The following ASIC2 variants were observed in gnomAD, a reference collection of about 807,000 sequenced individuals.
The protein encoded by ASIC2 is acid-sensing ion channel 2.
ASIC2 carries 25 observed loss-of-function variants against 57.3 expected under a neutral mutation model. The observed-to-expected ratio is 0.44, with a 90% CI of 0.32 to 0.61. ASIC2 has a LOEUF of 0.61. ASIC2 is among the 20% of genes least tolerant of loss of function. ASIC2 has a pLI of 0.06. For synonymous variants in ASIC2, 319 were observed against 307.5 expected, an observed-to-expected ratio of 1.04 and a Z score of -0.39; for missense variants, 641 against 738.1, an observed-to-expected ratio of 0.87 and a Z score of 1.52.
chr17:33,920,034 A>G (rs8066061), intron 1 of ASIC2, among the ~76,000 whole-genome samples: 48,827 of 152,048 alleles, frequency 0.32, 8,209 homozygotes, highest in Admixed American at 0.39. Flanking sequence ...ATGCTGGTGA[A>G]GCTGCAGAGA....
chr17:33,758,483 C>T (rs1910680585), intron 1 of ASIC2, among the ~76,000 whole-genome samples: 3 of 152,082 alleles, frequency 2.0e-5, no homozygotes, highest in Admixed American at 2.0e-4. Context: ...ATGGTTTGAA[C>T]GTTTGTCCCC....
rs1909876352 is a variant in ASIC2, at chr17:34,081,366, G to A, written c.555+74612C>T. Among the ~76,000 whole-genome samples the A allele has an allele frequency of 2.0e-5, 3 of 152,152 alleles. No homozygotes were observed. The South Asian group carries it at 6.2e-4, about 32-fold the overall frequency. ...TAGATAGATATCCTTAGAAGTGATA[G>A]AAAAGGCAGAAACAAGACATTATTT... On this transcript the variant is annotated intron_variant, in intron 1 of 9. Transcript: ENST00000359872.
chr17:33,100,965 G>A (rs1410956792), intron 2 of ASIC2, among the ~76,000 whole-genome samples: 1 of 152,230 alleles, frequency 6.6e-6, no homozygotes, highest in East Asian at 1.9e-4. Flanking sequence ...ATGGATACCT[G>A]CCTCCAGTGG....
intron 1 of ASIC2, among the ~76,000 whole-genome samples, chr17:33,598,439 T>C (rs1905039777): frequency 6.6e-6 from 1 of 152,190 alleles, no homozygotes; most frequent in Admixed American, 6.5e-5. Flanking sequence ...AGCTTCTTTC[T>C]GCATGTCAGT....
chr17:33,814,660 G>A (rs944804066), intron 1 of ASIC2, among the ~76,000 whole-genome samples: 24 of 152,360 alleles, frequency 1.6e-4, no homozygotes, highest in Admixed American at 1.3e-3. Flanking sequence ...CAAGATGGAT[G>A]GGAACCTATG....
At chr17:34,090,625 A>T (rs1910298032) in intron 1 of ASIC2, among the ~76,000 whole-genome samples, 1 of 152,168 alleles carries the variant, frequency 6.6e-6, no homozygotes, top group Admixed American at 6.5e-5. Context: ...TCATAAGGTA[A>T]CTCAACCCAA....
intron 1 of ASIC2, among the ~76,000 whole-genome samples, chr17:33,554,712 A>T (rs934537104): frequency 6.6e-6 from 1 of 152,116 alleles, no homozygotes; most frequent in African/African-American, 2.4e-5. Flanking sequence ...GCTTCAAAAG[A>T]AGCACCACCA....
intron 7 of ASIC2, among the ~76,000 whole-genome samples, 192 bp from the exon 8 acceptor site, chr17:33,017,876 A>G (rs1213867061): frequency 6.6e-6 from 1 of 152,126 alleles, no homozygotes; most frequent in Non-Finnish European, 1.5e-5. Flanking sequence ...ATTTTTCAGC[A>G]TTCAGTGGGG....
intron 1 of ASIC2, among the ~76,000 whole-genome samples, chr17:33,773,200 C>A (rs1911167945): frequency 1.3e-5 from 2 of 151,462 alleles, no homozygotes; most frequent in Admixed American, 6.6e-5. Flanking sequence ...GAAAATGACA[C>A]TAAGAATTCA....
At chr17:33,278,421 G>A (rs182357335) in intron 1 of ASIC2, among the ~76,000 whole-genome samples, 6 of 151,912 alleles carry the variant, frequency 3.9e-5, no homozygotes, top group African/African-American at 1.5e-4. Flanking sequence ...GCTGAGGCAG[G>A]AGGATCACCT....
At chr17:33,877,457 C>T (rs1470586651) in intron 1 of ASIC2, among the ~76,000 whole-genome samples, 1 of 152,254 alleles carries the variant, frequency 6.6e-6, no homozygotes. Flanking sequence ...GCAAATGGCA[C>T]ACCAGGAGAT....
chr17:33,394,995 A>C (rs1390752730), intron 1 of ASIC2, among the ~76,000 whole-genome samples: 1 of 149,340 alleles, frequency 6.7e-6, no homozygotes, highest in African/African-American at 2.5e-5. Flanking sequence ...CTATCCATCC[A>C]TCCCTCCCTC....
rs571370940 is a variant in ASIC2 at position 33,023,108 on chromosome 17, C to G, written c.1349+753G>C. Among the ~76,000 whole-genome samples the G allele has an allele frequency of 4.6e-5, 7 of 152,192 alleles. 1 individual carries two copies. The highest frequency in any genetic ancestry group is 1.2e-4 in the African/African-American group (5 of 41,530). ...AATGGAGACCTGCTTAAGGAGGAAC[C>G]AGTTAGGTGGAGGCTGGGAGGAAAA... On this transcript the variant is annotated intron_variant, in intron 6 of 9. Coordinates refer to ENST00000225823, the MANE Select transcript of ASIC2 (RefSeq NM_183377.2).
chr17:33,129,972 G>T (rs978838753), intron 1 of ASIC2, among the ~76,000 whole-genome samples: 1 of 152,218 alleles, frequency 6.6e-6, no homozygotes, highest in Non-Finnish European at 1.5e-5. Context: ...TGTTCATAAG[G>T]CAGATCAGTT....
chr17:33,592,813 G>A (rs1410543040), intron 1 of ASIC2, among the ~76,000 whole-genome samples: 4 of 152,184 alleles, frequency 2.6e-5, no homozygotes, highest in Non-Finnish European at 5.9e-5. Context: ...TCTGTCTTCT[G>A]TTCAACTCAG....
chr17:33,296,019 G>A (rs921761081), upstream of ASIC2, among the ~76,000 whole-genome samples: 1 of 151,990 alleles, frequency 6.6e-6, no homozygotes, highest in Non-Finnish European at 1.5e-5. Flanking sequence ...CTTGGTGCAT[G>A]CACAGGATTT....
intron 1 of ASIC2, among the ~76,000 whole-genome samples, chr17:33,700,944 A>T (rs768656513): frequency 1.3e-5 from 2 of 152,184 alleles, no homozygotes; most frequent in African/African-American, 2.4e-5. Context: ...TGAAGTACAG[A>T]GTAGAATTGG....
intron 1 of ASIC2, among the ~76,000 whole-genome samples, chr17:33,469,339 G>A (rs1164669860): frequency 6.6e-6 from 1 of 152,184 alleles, no homozygotes; most frequent in East Asian, 1.9e-4. Context: ...GAGACCATGA[G>A]GAATGGGGCA....
chr17:34,083,327 C>T (rs1356839223), intron 1 of ASIC2, among the ~76,000 whole-genome samples: 7 of 151,992 alleles, frequency 4.6e-5, no homozygotes, highest in Non-Finnish European at 7.4e-5. Context: ...CCAATTTCAT[C>T]CATGTCCCTA....
Sources: gnomAD v4.1 joint callset for allele counts (sites outside exome capture counted in the v4.1 genomes callset) on GRCh38, gnomAD v4.1.1 for gene constraint, MANE v1.5 for transcripts, NCBI Gene and HGNC (gene_info 2026-07-23, HGNC 2026-07-21) for gene names.